Variants in GAREM2 observed in about 807,000 individuals in gnomAD.
The protein encoded by GAREM2 is GRB2-associated and regulator of MAPK protein 2.
GAREM2 carries 30 observed loss-of-function variants against 55.6 expected under a neutral mutation model. The observed-to-expected ratio is 0.54, with a 90% CI of 0.40 to 0.73. The LOEUF (loss-of-function observed/expected upper bound fraction) is 0.73, where lower values mean the gene tolerates loss of function less well. GAREM2 is among the 30% of genes least tolerant of loss of function. GAREM2 has a pLI of 0.00. For missense variants in GAREM2, 1,075 were observed against 1,257.7 expected (o/e 0.85, Z 2.20); for synonymous variants, 550 against 569.1 (o/e 0.97, Z 0.48).
the GAREM2 span, chr2:26,197,883 C>T: frequency 6.7e-6 from 5 of 746,164 alleles, no homozygotes; most frequent in Admixed American, 1.8e-5. Flanking sequence ...CTCTGTCCCC[C>T]ACAACTGCTC....
chr2:26,202,639 G>T, the GAREM2 span, among the ~76,000 whole-genome samples: 1 of 152,224 alleles, frequency 6.6e-6, no homozygotes, highest in Non-Finnish European at 1.5e-5. Flanking sequence ...TATTCGTGAG[G>T]CTGAGGCATG....
At position 26,173,182 on chromosome 2, in the gene GAREM2, G is replaced by A. The variant is rs527256062; in HGVS notation, c.-39G>A. On this transcript the variant is annotated 5_prime_UTR_variant, in exon 1 of 6. Transcript: ENST00000401533. The stretch of plus-strand genomic sequence containing the variant: ...GAGCCTGGGCCGCGCGGGACTGACC[G>A]TCGGGGCCCCGGGACGGCGGCCCCG... The A allele has an allele frequency of 7.8e-6, 7 of 900,116 alleles. No individual in the cohort carries two copies. In the East Asian group the frequency reaches 1.2e-4, roughly 16 times the overall value. 55.8% of individuals were successfully genotyped at this position (900,116 alleles called of 1,614,324 possible).
the GAREM2 span, among the ~76,000 whole-genome samples, chr2:26,195,829 C>T: frequency 5.3e-5 from 8 of 152,274 alleles, no homozygotes; most frequent in African/African-American, 1.9e-4. Context: ...CTAGCCCAGC[C>T]CTACTGAATC....
the GAREM2 span, among the ~76,000 whole-genome samples, chr2:26,197,043 T>C: frequency 1.3e-5 from 2 of 152,252 alleles, no homozygotes; most frequent in Non-Finnish European, 2.9e-5. Context: ...GTATTAACAC[T>C]TTCAGCTGCT....
chr2:26,176,251 G>A (rs1331562135), intron 1 of GAREM2, 93 bp from the exon 2 acceptor site: 6 of 1,231,600 alleles, frequency 4.9e-6, no homozygotes, highest in African/African-American at 1.5e-5. Context: ...TCAGGGGGGC[G>A]GTCTTGGTGA....
chr2:26,192,558 G>A (rs13429249), downstream of GAREM2: 4,860 of 701,734 alleles, frequency 6.9e-3, 161 homozygotes, highest in African/African-American at 0.072. Flanking sequence ...AGGCCGAGGC[G>A]GAGGATCATT....
intron 2 of GAREM2, chr2:26,182,239 C>T: frequency 7.1e-7 from 1 of 1,417,536 alleles, no homozygotes; most frequent in Non-Finnish European, 9.2e-7. Context: ...GGGGCATGTG[C>T]TGAGCTTGGC....
chr2:26,185,076 G>T lies in GAREM2; in HGVS notation c.1228G>T (p.Val410Leu), dbSNP rs1669197379. The change falls in exon 4 of 6, where the codon GTG becomes TTG. Residue 410 changes from valine (V) to leucine (L), a missense_variant. Coordinates refer to ENST00000401533, the MANE Select transcript of GAREM2 (RefSeq NM_001168241.2). ...CGCCGGCGAGGGCGACCAGGAGTAC[G>T]TGAGCCCCGACTGGGCAGCCGCGCC... is the stretch of plus-strand genomic sequence containing the variant. ...APAGEGDQEY[V>L]SPDWAAAPEP... 2.2e-6 allele frequency: 3 copies of T among 1,385,746 alleles called. No individual in the cohort carries two copies. The highest frequency in any genetic ancestry group is 3.2e-5 in the South Asian group (2 of 63,422). 85.8% of individuals were successfully genotyped at this position (1,385,746 alleles called of 1,614,324 possible). A position where few individuals can be genotyped will look rare whatever the true frequency, so the allele number is the denominator to read the frequency against.
At position 26,184,591 on chromosome 2, in the gene GAREM2, A is replaced by C; in HGVS notation, c.743A>C (p.Gln248Pro). ...STRSPLELQMQEGEHTVRAII... is the reference protein window; with the variant it reads ...STRSPLELQMPEGEHTVRAII... Reference sequence around the variant, plus strand: ...CGCAGCCCGCTGGAGCTGCAGATGCAAGAGGGCGAGCACACGGTGCGCGCC... The same window carrying C: ...CGCAGCCCGCTGGAGCTGCAGATGCCAGAGGGCGAGCACACGGTGCGCGCC... The change falls in exon 4 of 6, where the codon CAA becomes CCA. Residue 248 changes from glutamine (Q) to proline (P), a missense_variant. Physicochemically the swap from Gln to Pro is moderately conservative, Grantham distance 76 (BLOSUM62 -1). Transcript: ENST00000401533. The C allele has an allele frequency of 6.5e-7, 1 of 1,548,528 alleles. No homozygotes were observed.
the GAREM2 span, chr2:26,204,270 G>A: frequency 7.2e-7 from 1 of 1,382,876 alleles, no homozygotes; most frequent in African/African-American, 1.4e-5. Context: ...GATTGCCTAA[G>A]TTATTCAATA....
At chr2:26,191,618 C>T (rs1251871992), downstream of GAREM2, 38 of 1,614,076 alleles carry the variant, frequency 2.4e-5, no homozygotes, top group Admixed American at 3.3e-5. Context: ...TGGATGTCTT[C>T]GTCTGATGAG....
intron 2 of GAREM2, chr2:26,182,537 C>T (rs76319342): frequency 2.0e-6 from 3 of 1,512,818 alleles, no homozygotes; most frequent in Non-Finnish European, 2.7e-6. Context: ...AGATGAGGAC[C>T]CAGAGGCCCA....
downstream of GAREM2, among the ~76,000 whole-genome samples, chr2:26,190,418 G>C (rs908241648): frequency 2.0e-5 from 3 of 152,120 alleles, no homozygotes; most frequent in African/African-American, 7.2e-5. Flanking sequence ...TTGGGGGAGT[G>C]CAGGTGCTGT....
rs1431845027 is a variant in GAREM2 at position 26,184,526 on chromosome 2, C to T, written c.678C>T (p.Ser226=). The change falls in exon 4 of 6, where the codon AGC becomes AGT. Residue 226 remains serine, a synonymous_variant. Coordinates refer to ENST00000401533, the MANE Select transcript of GAREM2 (RefSeq NM_001168241.2). ...GCATGAACCACCGCACCAACGAAAG[C>T]CTGAGCCTGCCCTTTCAGTGCCAGG... ...LICMNHRTNE[S]LSLPFQCQGR... The T allele has an allele frequency of 6.5e-7, 1 of 1,547,054 alleles. No individual in the cohort carries two copies. Among genetic ancestry groups the T allele is most frequent in the Non-Finnish European group, 8.7e-7 (1 of 1,145,630 alleles).
chr2:26,174,030 C>T (rs1435979791), intron 1 of GAREM2, among the ~76,000 whole-genome samples: 1 of 130,236 alleles, frequency 7.7e-6, no homozygotes, highest in East Asian at 2.2e-4. Context: ...GCGAGGGGAC[C>T]GTTTGGGGGG....
Position 26,185,054 on chromosome 2 carries a change from C to A in GAREM2, c.1206C>A (p.Ala402=), listed in dbSNP as rs1669195863. The change falls in exon 4 of 6, where the codon GCC becomes GCA. Residue 402 remains alanine (A), a synonymous_variant. Coordinates refer to ENST00000401533, the MANE Select transcript of GAREM2 (RefSeq NM_001168241.2). ...CCGGCCCGCTAGCGCCGGCTCCCGC[C>A]GGCGAGGGCGACCAGGAGTACGTGA... is the stretch of plus-strand genomic sequence containing the variant. The part of the protein sequence containing the change: ...RAPGPLAPAP[A]GEGDQEYVSP... 5 of 1,234,244 alleles carry A rather than the reference C, an allele frequency of 4.1e-6. No homozygotes were observed. Among genetic ancestry groups the A allele is most frequent in the Non-Finnish European group, 5.1e-6 (5 of 988,394 alleles). 76.5% of individuals were successfully genotyped at this position (1,234,244 alleles called of 1,614,324 possible). A position where few individuals can be genotyped will look rare whatever the true frequency, so the allele number is the denominator to read the frequency against.
In GAREM2 at chr2:26,188,166, G is replaced by C. The variant is rs1419343554; in HGVS notation, c.2534G>C (p.Ser845Thr). ...GATGGTAGCATCTTTGTGCAGCTCA[G>C]TGAGGACATCCTGGCAGATGACTTC... ...RIDGSIFVQL[S>T]EDILADDFHL... The change falls in exon 6 of 6, where the codon AGT becomes ACT. Residue 845 changes from serine to threonine, a missense_variant. This residue lies in a region of GAREM2 where 142 missense variants were observed against 172.3 expected (regional missense o/e 0.82). Coordinates refer to ENST00000401533, the MANE Select transcript of GAREM2 (RefSeq NM_001168241.2). 15 of 1,550,014 alleles carry C rather than the reference G, an allele frequency of 9.7e-6. No homozygotes were observed. Among genetic ancestry groups the C allele is most frequent in the Non-Finnish European group, 1.2e-5 (14 of 1,146,020 alleles).
At chr2:26,176,224 T>G in intron 1 of GAREM2, 120 bp from the exon 2 acceptor site, 3 of 928,328 alleles carry the variant, frequency 3.2e-6, no homozygotes, top group Non-Finnish European at 3.0e-6. Flanking sequence ...TGGACAGGGA[T>G]TGTGTGGAGC....
At chr2:26,204,172 C>G in the GAREM2 span, 1 of 1,613,976 alleles carries the variant, frequency 6.2e-7, no homozygotes, top group Non-Finnish European at 8.5e-7. Context: ...CTCCCATCAG[C>G]CCTGCACCAA....
Sources: gnomAD v4.1 joint callset for allele counts (sites outside exome capture counted in the v4.1 genomes callset) on GRCh38, gnomAD v4.1.1 for gene constraint, gnomAD v4.1.1 regional missense constraint, MANE v1.5 for transcripts, NCBI Gene and HGNC (gene_info 2026-07-23, HGNC 2026-07-21) for gene names.